MALRD1: variants seen among roughly 807,000 people sequenced by gnomAD.
MALRD1 encodes the protein MAM and LDL-receptor class A domain-containing protein 1.
A neutral mutation model predicts 242.1 loss-of-function variants in MALRD1; 247 were observed. The ratio of observed to expected loss-of-function variants is 1.02; its 90% CI spans 0.92 to 1.13. MALRD1 has a LOEUF of 1.13. MALRD1 is among the 50% of genes most tolerant of loss of function. The pLI, the probability that MALRD1 is intolerant of heterozygous loss-of-function variation, is 0.00. For synonymous variants in MALRD1, 995 were observed against 866.6 expected (o/e 1.15, Z -2.60); for missense variants, 2,989 against 2,533.1 (o/e 1.18, Z -3.86).
chr10:19,175,982 T>A (rs930605432), intron 14 of MALRD1, among the ~76,000 whole-genome samples: 2 of 152,176 alleles, frequency 1.3e-5, no homozygotes, highest in African/African-American at 4.8e-5. Flanking sequence ...CATGTACACA[T>A]TGAAAGAATG....
At chr10:19,118,892 C>T (rs188012009) in intron 5 of MALRD1, among the ~76,000 whole-genome samples, 1 of 152,268 alleles carries the variant, frequency 6.6e-6, no homozygotes, top group East Asian at 1.9e-4. Flanking sequence ...TTGATGTTTA[C>T]TTCATATAGG....
At position 19,090,512 on chromosome 10, in the gene MALRD1, T is replaced by A. The variant is rs1490114543; in HGVS notation, c.597+2327T>A. Reference sequence around the variant, plus strand: ...GGTTGAGACGATGGGGTTTTCTAGATAAACAATCATGTCGTCTGCAAACAG... The same window carrying A: ...GGTTGAGACGATGGGGTTTTCTAGAAAAACAATCATGTCGTCTGCAAACAG... On this transcript the variant is annotated intron_variant, in intron 4 of 39. Coordinates refer to ENST00000454679, the MANE Select transcript of MALRD1 (RefSeq NM_001142308.3). Among the ~76,000 whole-genome samples, 6 of 60,554 alleles carry A rather than the reference T, an allele frequency of 9.9e-5. No individual in the cohort carries two copies. The East Asian group carries it at 3.2e-3, about 32-fold the overall frequency. 39.7% of individuals were successfully genotyped at this position (60,554 alleles called of 152,430 possible).
chr10:19,112,373 G>A (rs984218708), intron 5 of MALRD1, among the ~76,000 whole-genome samples: 2 of 152,080 alleles, frequency 1.3e-5, no homozygotes, highest in South Asian at 2.1e-4. Context: ...TCTGGACATC[G>A]TCATCAGAAA....
At chr10:19,386,824 A>G (rs945266049) in intron 26 of MALRD1, among the ~76,000 whole-genome samples, 2 of 152,098 alleles carry the variant, frequency 1.3e-5, no homozygotes, top group African/African-American at 4.8e-5. Context: ...AATGTATCAA[A>G]TGTTGGTATG....
intron 5 of MALRD1, among the ~76,000 whole-genome samples, chr10:19,120,770 G>A (rs1009325006): frequency 2.0e-5 from 3 of 152,146 alleles, no homozygotes; most frequent in African/African-American, 4.8e-5. Context: ...TTGAAGCAGA[G>A]TTTCGCTCTT....
intron 36 of MALRD1, among the ~76,000 whole-genome samples, chr10:19,626,228 C>G: frequency 6.6e-6 from 1 of 151,358 alleles, no homozygotes. Flanking sequence ...ACTGTAGTCT[C>G]TCCCTTCAAA....
At chr10:19,431,992 G>T (rs1274166628) in intron 28 of MALRD1, among the ~76,000 whole-genome samples, 2 of 151,892 alleles carry the variant, frequency 1.3e-5, no homozygotes, top group Non-Finnish European at 2.9e-5. Context: ...TCTACCATAT[G>T]AATTTTTTTT....
chr10:19,689,480 GA>G (rs1427891967), intron 36 of MALRD1, among the ~76,000 whole-genome samples: 1 of 151,942 alleles, frequency 6.6e-6, no homozygotes, highest in Non-Finnish European at 1.5e-5. Flanking sequence ...CTTCACTATA[GA>G]AAAATGCACT....
intron 11 of MALRD1, among the ~76,000 whole-genome samples, chr10:19,152,481 C>T (rs941706150): frequency 6.6e-6 from 1 of 151,616 alleles, no homozygotes; most frequent in South Asian, 2.1e-4. Context: ...TATCTCTTTT[C>T]ATCTAACCAG....
At chr10:19,214,082 C>T (rs1837194795) in intron 18 of MALRD1, among the ~76,000 whole-genome samples, 1 of 152,174 alleles carries the variant, frequency 6.6e-6, no homozygotes, top group Non-Finnish European at 1.5e-5. Flanking sequence ...CCTGTCCTAA[C>T]AATTACTTAG....
chr10:19,694,646 A>C (rs528533300), intron 38 of MALRD1, among the ~76,000 whole-genome samples: 1 of 152,236 alleles, frequency 6.6e-6, no homozygotes, highest in African/African-American at 2.4e-5. Flanking sequence ...TAGTTCAACC[A>C]TTGTGGAAGA....
intron 28 of MALRD1, among the ~76,000 whole-genome samples, chr10:19,421,353 G>A (rs1833712396): frequency 6.6e-6 from 1 of 152,178 alleles, no homozygotes; most frequent in Non-Finnish European, 1.5e-5. Context: ...ACATTCCAAT[G>A]CTAGCTTTGG....
chr10:19,387,214 T>C (rs768702700), intron 26 of MALRD1, among the ~76,000 whole-genome samples: 2 of 151,768 alleles, frequency 1.3e-5, no homozygotes, highest in Non-Finnish European at 2.9e-5. Context: ...CTCTCAGATA[T>C]AATTTACATC....
intron 34 of MALRD1, among the ~76,000 whole-genome samples, chr10:19,603,082 T>C (rs10827638): frequency 0.51 from 77,713 of 151,828 alleles, 20,015 homozygotes; most frequent in Non-Finnish European, 0.53. Flanking sequence ...CATTGTAGAT[T>C]CTGGATATTA....
At chr10:19,651,809 T>C (rs1044068619) in intron 36 of MALRD1, among the ~76,000 whole-genome samples, 1 of 152,174 alleles carries the variant, frequency 6.6e-6, no homozygotes, top group Non-Finnish European at 1.5e-5. Context: ...GGGCATGATG[T>C]CAGGGCTCTT....
At chr10:19,394,599 T>C (rs1846494269) in intron 28 of MALRD1, among the ~76,000 whole-genome samples, 1 of 152,080 alleles carries the variant, frequency 6.6e-6, no homozygotes, top group Non-Finnish European at 1.5e-5. Flanking sequence ...CATGGTAAGC[T>C]CTCTGCATCC....
chr10:19,590,635 A>G (rs1837726398), intron 33 of MALRD1, among the ~76,000 whole-genome samples: 1 of 152,068 alleles, frequency 6.6e-6, no homozygotes, highest in South Asian at 2.1e-4. Flanking sequence ...CAGATCAATA[A>G]ATAGTTAGAT....
chr10:19,302,120 G>A (rs1841976943), intron 21 of MALRD1, among the ~76,000 whole-genome samples: 1 of 151,786 alleles, frequency 6.6e-6, no homozygotes, highest in South Asian at 2.1e-4. Flanking sequence ...AATAACAGGT[G>A]TTGATGAGAA....
In MALRD1 at chr10:19,245,333, T is replaced by C. The variant is rs76164985; in HGVS notation, c.2992-12351T>C. On this transcript the variant is annotated intron_variant, in intron 18 of 39. Coordinates refer to ENST00000454679, the MANE Select transcript of MALRD1 (RefSeq NM_001142308.3). ...ATGATTTTTTTGTGTAGTCTTTAGC[T>C]GGTTTTATAGGAGACTACAAGGTAC... 4.3e-4 allele frequency among the ~76,000 whole-genome samples: 66 copies of C among 152,292 alleles called. 3 individuals carry two copies. The East Asian group carries it at 0.013, about 29-fold the overall frequency.
Sources: gnomAD v4.1 joint callset for allele counts (sites outside exome capture counted in the v4.1 genomes callset) on GRCh38, gnomAD v4.1.1 for gene constraint, MANE v1.5 for transcripts, NCBI Gene and HGNC (gene_info 2026-07-23, HGNC 2026-07-21) for gene names.